ADAM23: variants seen among roughly 807,000 people sequenced by gnomAD.
The protein encoded by ADAM23 is ADAM metallopeptidase domain 23.
ADAM23 carries 33 observed loss-of-function variants against 120.1 expected under a neutral mutation model. The observed-to-expected ratio is 0.27, with a 90% CI of 0.21 to 0.37. The LOEUF (loss-of-function observed/expected upper bound fraction) is 0.37. ADAM23 is among the 10% of genes least tolerant of loss of function. The probability of loss-of-function intolerance (pLI) is 1.00; values close to 1 mark genes in which losing one functional copy is unlikely to be tolerated. For synonymous variants in ADAM23, 367 were observed against 375.2 expected (o/e 0.98, Z 0.25); for missense variants, 862 against 1,058.2 (o/e 0.81, Z 2.57).
intron 3 of ADAM23, among the ~76,000 whole-genome samples, chr2:206,514,391 G>A (rs1232681631): frequency 6.6e-6 from 1 of 152,180 alleles, no homozygotes; most frequent in African/African-American, 2.4e-5. Context: ...GTTCAGTGGA[G>A]GAAGTCACTG....
intron 2 of ADAM23, among the ~76,000 whole-genome samples, chr2:206,449,596 C>T (rs1000116967): frequency 6.6e-6 from 1 of 152,140 alleles, no homozygotes; most frequent in East Asian, 1.9e-4. Flanking sequence ...GGTGAAACCC[C>T]ATCTCTACTA....
chr2:206,609,863 A>G (rs750435453), intron 24 of ADAM23, 47 bp from the exon 25 acceptor site: 3 of 1,512,132 alleles, frequency 2.0e-6, no homozygotes, highest in Admixed American at 2.1e-5. Flanking sequence ...TGTGGTAACG[A>G]AAGTGGTTGG....
At chr2:206,528,196 C>T (rs1696980167) in intron 3 of ADAM23, among the ~76,000 whole-genome samples, 1 of 152,148 alleles carries the variant, frequency 6.6e-6, no homozygotes, top group Non-Finnish European at 1.5e-5. Context: ...CTCTCTGCCT[C>T]CTGGTGTTGC....
intron 2 of ADAM23, among the ~76,000 whole-genome samples, chr2:206,449,702 G>A (rs973669000): frequency 4.3e-4 from 66 of 152,306 alleles, no homozygotes; most frequent in African/African-American, 1.4e-3. Context: ...CCCGGGAGGC[G>A]GAGGTTGCGG....
chr2:206,583,441 G>A (rs1437532142), intron 18 of ADAM23, among the ~76,000 whole-genome samples: 9 of 149,156 alleles, frequency 6.0e-5, no homozygotes, highest in East Asian at 2.0e-4. Flanking sequence ...GCGAAAGAGC[G>A]AGACTCCGTC....
At chr2:206,593,389 C>T (rs1698462732) in intron 22 of ADAM23, among the ~76,000 whole-genome samples, 1 of 152,152 alleles carries the variant, frequency 6.6e-6, no homozygotes, top group Non-Finnish European at 1.5e-5. Flanking sequence ...TTTTGGGCTT[C>T]CCCCTGCAGA....
intron 2 of ADAM23, among the ~76,000 whole-genome samples, chr2:206,459,333 A>G (rs1043060556): frequency 1.3e-5 from 2 of 152,194 alleles, no homozygotes; most frequent in African/African-American, 4.8e-5. Flanking sequence ...TACCCTTCTG[A>G]TTAACTATAA....
chr2:206,560,252 A>G lies in ADAM23; in HGVS notation c.1169+134A>G, dbSNP rs1308514907. The G allele has an allele frequency of 3.2e-6, 3 of 928,190 alleles. No homozygotes were observed. In the African/African-American group the frequency reaches 5.0e-5, roughly 15 times the overall value. 57.5% of individuals were successfully genotyped at this position (928,190 alleles called of 1,614,324 possible). A position where few individuals can be genotyped will look rare whatever the true frequency, so the allele number is the denominator to read the frequency against. On this transcript the variant is annotated intron_variant, in intron 11 of 25. Coordinates refer to ENST00000264377, the MANE Select transcript of ADAM23 (RefSeq NM_003812.4). The stretch of plus-strand genomic sequence containing the variant: ...TTCTGTGGGTTCCTTTGTCTGTTAG[A>G]TAAGAAGCATGGAGTTAGGATATCC...
chr2:206,448,176 T>A (rs992301174), intron 2 of ADAM23, among the ~76,000 whole-genome samples: 6 of 152,228 alleles, frequency 3.9e-5, no homozygotes, highest in African/African-American at 1.4e-4. Context: ...TGGGCACTCC[T>A]AATAATTATG....
rs1050344783 is a variant in ADAM23 at position 206,589,492 on chromosome 2, C to T, written c.1936C>T (p.Arg646Trp). The change falls in exon 21 of 26, where the codon CGG becomes TGG. Residue 646 changes from arginine (R) to tryptophan (W), a missense_variant. Coordinates refer to ENST00000264377, the MANE Select transcript of ADAM23 (RefSeq NM_003812.4). The stretch of plus-strand genomic sequence containing the variant: ...GGGAAACTGCGGGAAGGATGGAGAC[C>T]GGTGGATTCAGTGCAGCAAACAGTG... ...EKGNCGKDGD[R>W]WIQCSKHDVF... is the part of the protein sequence containing the mutation. 4.3e-6 allele frequency: 7 copies of T among 1,613,562 alleles called. No homozygotes were observed. The highest frequency in any genetic ancestry group is 2.7e-5 in the African/African-American group (2 of 75,026).
intron 18 of ADAM23, among the ~76,000 whole-genome samples, chr2:206,577,560 G>A (rs12694057): frequency 0.83 from 104,695 of 126,344 alleles, 43,587 homozygotes; most frequent in African/African-American, 0.88. Context: ...ATGATTTCCA[G>A]TTTCATCCAT....
intron 2 of ADAM23, among the ~76,000 whole-genome samples, chr2:206,456,494 T>A (rs1695304386): frequency 1.3e-5 from 2 of 152,140 alleles, no homozygotes; most frequent in Admixed American, 1.3e-4. Context: ...CATGATCCAG[T>A]CACTTCCCAC....
chr2:206,588,703 C>T (rs2105846255), intron 20 of ADAM23, among the ~76,000 whole-genome samples: 1 of 152,250 alleles, frequency 6.6e-6, no homozygotes, highest in Non-Finnish European at 1.5e-5. Flanking sequence ...TTTACAGTGC[C>T]TCTCCAATAA....
chr2:206,458,449 C>T (rs1424783299), intron 2 of ADAM23, among the ~76,000 whole-genome samples: 1 of 152,170 alleles, frequency 6.6e-6, no homozygotes, highest in Non-Finnish European at 1.5e-5. Context: ...ATTGGTCTAC[C>T]TCAGACGTAA....
chr2:206,466,315 G>A (rs1057398686), intron 2 of ADAM23, among the ~76,000 whole-genome samples: 1 of 152,192 alleles, frequency 6.6e-6, no homozygotes, highest in Non-Finnish European at 1.5e-5. Flanking sequence ...ACATAAGAAA[G>A]TGATGCTCTT....
intron 3 of ADAM23, among the ~76,000 whole-genome samples, chr2:206,524,732 A>G (rs936543809): frequency 3.3e-5 from 5 of 152,182 alleles, no homozygotes; most frequent in African/African-American, 1.2e-4. Context: ...AGTATCAGGG[A>G]AACTGCCTCC....
chr2:206,476,715 G>A (rs1031246483), intron 2 of ADAM23, among the ~76,000 whole-genome samples: 1 of 152,182 alleles, frequency 6.6e-6, no homozygotes, highest in Admixed American at 6.5e-5. Flanking sequence ...ATACTAAGGT[G>A]AAATATATGT....
chr2:206,475,944 A>G (rs1026050025), intron 2 of ADAM23, among the ~76,000 whole-genome samples: 1 of 152,210 alleles, frequency 6.6e-6, no homozygotes, highest in Non-Finnish European at 1.5e-5. Context: ...ATGGTTACAC[A>G]CACACACTCA....
At chr2:206,496,509 G>A (rs1248174750) in intron 3 of ADAM23, among the ~76,000 whole-genome samples, 1 of 152,070 alleles carries the variant, frequency 6.6e-6, no homozygotes, top group Non-Finnish European at 1.5e-5. Context: ...GCAGTGTGTA[G>A]AGGGAAATTT....
Sources: allele counts gnomAD v4.1 joint callset (sites outside exome capture counted in the v4.1 genomes callset), GRCh38; gene constraint gnomAD v4.1.1; transcripts MANE v1.5; gene names NCBI Gene and HGNC (gene_info 2026-07-23, HGNC 2026-07-21).